COMMD9: variants seen among roughly 807,000 people sequenced by gnomAD.
COMMD9 encodes the protein COMM domain-containing protein 9.
COMMD9 carries 22 observed loss-of-function variants against 23.4 expected under a neutral mutation model. The observed-to-expected ratio is 0.94, with a 90% CI of 0.67 to 1.34. COMMD9 has a LOEUF of 1.34. COMMD9 is among the 40% of genes most tolerant of loss of function. COMMD9 has a pLI of 0.00. For missense variants in COMMD9, 231 were observed against 240.2 expected (o/e 0.96, Z 0.25); for synonymous variants, 99 against 97.4 (o/e 1.02, Z -0.10).
At position 36,272,916 on chromosome 11, in the gene COMMD9, G is replaced by A. The variant is rs1379918901; in HGVS notation, c.*1716C>T. 2.0e-5 allele frequency: 3 copies of A among 152,200 alleles called. No individual in the cohort carries two copies. The highest frequency in any genetic ancestry group is 3.8e-4 in the East Asian group (2 of 5,198). The allele number at this position is 152,200 out of a possible 1,614,324, so 9.4% of individuals were successfully genotyped here. ...GCTGGTTTCCTGGTCAATAAAGGGA[G>A]GATGATAATACTAATTCTCACACCA... On this transcript the variant is annotated 3_prime_UTR_variant, in exon 6 of 6. Coordinates refer to ENST00000263401, the MANE Select transcript of COMMD9 (RefSeq NM_014186.4).
At chr11:36,289,304 C>A (rs981548884) in intron 1 of COMMD9, 58 bp downstream of exon 1, 31 of 1,503,524 alleles carry the variant, frequency 2.1e-5, no homozygotes, top group Non-Finnish European at 2.7e-5. Context: ...ATTCCTGCTC[C>A]GTCTAAAGTC....
Position 36,272,728 on chromosome 11 carries a change from G to GC in COMMD9, c.*1903_*1904insG, listed in dbSNP as rs1184538508. 1 of 152,206 alleles carries GC rather than the reference G, an allele frequency of 6.6e-6. No individual in the cohort carries two copies. The highest frequency in any genetic ancestry group is 6.5e-5 in the Admixed American group (1 of 15,278). 9.4% of individuals were successfully genotyped at this position (152,206 alleles called of 1,614,324 possible). A position where few individuals can be genotyped will look rare whatever the true frequency, so the allele number is the denominator to read the frequency against. ...CTCGTATCTCACTGGGTAGGCAGAC[G>GC]TAAGATCTCTCATCTCTACTTCAGT... On this transcript the variant is annotated 3_prime_UTR_variant, in exon 6 of 6. Coordinates refer to ENST00000263401, the MANE Select transcript of COMMD9 (RefSeq NM_014186.4).
intron 2 of COMMD9, among the ~76,000 whole-genome samples, chr11:36,279,857 G>C (rs1045675646): frequency 6.6e-6 from 1 of 152,168 alleles, no homozygotes; most frequent in African/African-American, 2.4e-5. Context: ...TGTAATCCCA[G>C]CACTTTGGGA....
At position 36,288,281 on chromosome 11, in the gene COMMD9, CAG is replaced by C. The variant is rs531076917; in HGVS notation, c.51+1079_51+1080del. Among the ~76,000 whole-genome samples, 540 of 149,802 alleles carry C rather than the reference CAG, an allele frequency of 3.6e-3. 2 individuals carry two copies. Among genetic ancestry groups the C allele is most frequent in the African/African-American group, 0.013 (519 of 40,566 alleles). ...TAAAAAATAAATAAGTAAAACAAAA[CAG>C]AGACTATTACATGGACCGATGATGA... On this transcript the variant is annotated intron_variant, in intron 1 of 5. Coordinates refer to ENST00000263401, the MANE Select transcript of COMMD9 (RefSeq NM_014186.4).
chr11:36,286,159 C>T (rs1856147650), intron 1 of COMMD9, among the ~76,000 whole-genome samples: 1 of 152,066 alleles, frequency 6.6e-6, no homozygotes, highest in South Asian at 2.1e-4. Context: ...CCAAAAACTC[C>T]TAGAAACAAT....
intron 1 of COMMD9, among the ~76,000 whole-genome samples, chr11:36,284,144 A>AAC (rs1856112923): frequency 7.0e-6 from 1 of 142,130 alleles, no homozygotes; most frequent in African/African-American, 2.7e-5. Context: ...ACAACAACAA[A>AAC]TCTCCCTTCA....
intron 2 of COMMD9, 108 bp from the exon 3 acceptor site, chr11:36,278,724 G>C (rs1339667273): frequency 9.1e-7 from 1 of 1,093,194 alleles, no homozygotes; most frequent in Non-Finnish European, 1.3e-6. Flanking sequence ...ACACTGCTAT[G>C]GTCATTCAAC....
chr11:36,286,914 A>G (rs1856168165), intron 1 of COMMD9, among the ~76,000 whole-genome samples: 1 of 152,096 alleles, frequency 6.6e-6, no homozygotes, highest in Admixed American at 6.6e-5. Context: ...TTCATGAGGA[A>G]TCTTTGTGGT....
At chr11:36,287,706 A>T (rs929594242) in intron 1 of COMMD9, among the ~76,000 whole-genome samples, 5 of 151,732 alleles carry the variant, frequency 3.3e-5, no homozygotes, top group African/African-American at 4.8e-5. Flanking sequence ...GCCAGGCATA[A>T]AAAAAAAGTA....
chr11:36,274,899 A>C, intron 5 of COMMD9, 127 bp from the exon 6 acceptor site: 1 of 1,116,798 alleles, frequency 9.0e-7, no homozygotes, highest in Non-Finnish European at 1.3e-6. Context: ...TTTCCTAAGC[A>C]CTAGAGAGTA....
chr11:36,277,192 G>A, intron 3 of COMMD9, 69 bp from the exon 4 acceptor site: 1 of 1,222,536 alleles, frequency 8.2e-7, no homozygotes, highest in Non-Finnish European at 1.1e-6. Context: ...TGATAGAGAG[G>A]GGAACTGGCC....
Position 36,278,574 on chromosome 11 carries a change from G to A in COMMD9, c.220C>T (p.Arg74Cys), listed in dbSNP as rs200825391. Reference sequence around the variant, plus strand: ...ATTGCCTCGGCAGAGGACAGGTCACGGAATGCCACCAGCCTAGTGAGGCGG... The same window carrying A: ...ATTGCCTCGGCAGAGGACAGGTCACAGAATGCCACCAGCCTAGTGAGGCGG... ...LHRLTRLVAF[R>C]DLSSAEAILA... The change falls in exon 3 of 6, where the codon CGT (arginine) becomes TGT (cysteine). Residue 74 changes from arginine (R) to cysteine (C), a missense_variant. Transcript: ENST00000263401. 4.2e-5 allele frequency: 67 copies of A among 1,614,034 alleles called. No individual in the cohort carries two copies. The East Asian group carries it at 5.1e-4, about 12-fold the overall frequency.
intron 2 of COMMD9, among the ~76,000 whole-genome samples, chr11:36,279,163 G>C (rs776119555): frequency 7.9e-4 from 121 of 152,290 alleles, no homozygotes; most frequent in Non-Finnish European, 4.6e-4. Context: ...TGAGGGTCTT[G>C]AATCCAGGGT....
intron 1 of COMMD9, among the ~76,000 whole-genome samples, chr11:36,286,395 C>CAAAAAAAAAAAAAAAAAAAAAAAA (rs138463305): frequency 1.3e-5 from 1 of 76,942 alleles, no homozygotes; most frequent in Non-Finnish European, 2.4e-5. Flanking sequence ...ACTAAAAATA[C>CAAAAAAAAAAAAAAAAAAAAAAAA]AAAAAAAAAA....
intron 1 of COMMD9, among the ~76,000 whole-genome samples, chr11:36,281,497 C>G (rs1856065443): frequency 6.6e-6 from 1 of 152,158 alleles, no homozygotes. Context: ...TGGTAACAAG[C>G]CTCATCATTC....
Position 36,274,273 on chromosome 11 carries a change from C to T in COMMD9, c.*359G>A, listed in dbSNP as rs969845112. 4.3e-5 allele frequency: 21 copies of T among 493,758 alleles called. No individual in the cohort carries two copies. Among genetic ancestry groups the T allele is most frequent in the Non-Finnish European group, 7.1e-5 (18 of 252,298 alleles). 30.6% of individuals were successfully genotyped at this position (493,758 alleles called of 1,614,324 possible). ...AGAGCTAATGTTGGAAATAAACTTA[C>T]TTATTGGATAGGCTGCATGATTTGG... On this transcript the variant is annotated 3_prime_UTR_variant, in exon 6 of 6. Transcript: ENST00000263401.
chr11:36,280,057 G>T (rs1385189163), intron 2 of COMMD9, among the ~76,000 whole-genome samples: 1 of 152,188 alleles, frequency 6.6e-6, no homozygotes, highest in Non-Finnish European at 1.5e-5. Context: ...AGTGAGCCAT[G>T]TCCATGCCAC....
chr11:36,281,920 T>C (rs34730546), intron 1 of COMMD9, among the ~76,000 whole-genome samples: 22,551 of 152,162 alleles, frequency 0.15, 1,828 homozygotes, highest in Admixed American at 0.24. Flanking sequence ...TTGAAACAAT[T>C]TTTAAAATCG....
chr11:36,289,240 C>A (rs1856225768), intron 1 of COMMD9, 122 bp downstream of exon 1: 3 of 885,336 alleles, frequency 3.4e-6, no homozygotes, highest in Non-Finnish European at 5.0e-6. Flanking sequence ...CCTGGGATCA[C>A]ACAGAGAACA....
Sources: allele counts gnomAD v4.1 joint callset (sites outside exome capture counted in the v4.1 genomes callset), GRCh38; gene constraint gnomAD v4.1.1; transcripts MANE v1.5; gene names NCBI Gene and HGNC (gene_info 2026-07-23, HGNC 2026-07-21).